ANHX: variants seen among roughly 807,000 people sequenced by gnomAD.
ANHX encodes the protein anomalous homeobox.
ANHX carries 20 observed loss-of-function variants against 38.9 expected under a neutral mutation model. The ratio of observed to expected loss-of-function variants is 0.51; its 90% confidence interval spans 0.36 to 0.75. The LOEUF is 0.75. Among genes scored for constraint, ANHX ranks in the 30% least tolerant of loss-of-function variants. ANHX has a pLI of 0.00. For synonymous variants in ANHX, 185 were observed against 203.1 expected (o/e 0.91, Z 0.76); for missense variants, 475 against 493.1 (o/e 0.96, Z 0.35).
intron 8 of ANHX, among the ~76,000 whole-genome samples, chr12:133,220,473 C>G (rs1181037036): frequency 6.6e-6 from 1 of 152,194 alleles, no homozygotes; most frequent in Admixed American, 6.5e-5. Context: ...TTTGAGCAAG[C>G]AGGCCATGTG....
chr12:133,233,688 C>T (rs985487583), intron 2 of ANHX, among the ~76,000 whole-genome samples: 5 of 152,178 alleles, frequency 3.3e-5, no homozygotes, highest in Admixed American at 2.0e-4. Flanking sequence ...GTTGAAGGTA[C>T]CAGCAGGTGA....
rs529851742 is a variant in ANHX, at chr12:133,226,230, T to C, written c.839+88A>G. 2.4e-5 allele frequency: 37 copies of C among 1,530,304 alleles called. No individual in the cohort carries two copies. The South Asian group carries it at 3.9e-4, about 16-fold the overall frequency. 94.8% of individuals were successfully genotyped at this position (1,530,304 alleles called of 1,614,324 possible). Reference sequence around the variant, plus strand: ...CCCAGTGTGGGGGTCCTGTCACCCTTAGGCCTACTTCATGCCCTAGTCTCC... The same window carrying C: ...CCCAGTGTGGGGGTCCTGTCACCCTCAGGCCTACTTCATGCCCTAGTCTCC... On this transcript the variant is annotated intron_variant, in intron 6 of 9. Coordinates refer to ENST00000545940, the MANE Select transcript of ANHX (RefSeq NM_001372060.1).
chr12:133,225,124 A>G (rs975262643), intron 7 of ANHX, among the ~76,000 whole-genome samples: 48 of 152,266 alleles, frequency 3.2e-4, no homozygotes, highest in Non-Finnish European at 5.7e-4. Flanking sequence ...TACAGCTTCA[A>G]CGATAACTTA....
At chr12:133,225,191 T>C (rs907322836) in intron 7 of ANHX, among the ~76,000 whole-genome samples, 1 of 151,338 alleles carries the variant, frequency 6.6e-6, no homozygotes, top group Non-Finnish European at 1.5e-5. Context: ...AAGCGGGGAG[T>C]CTAAGGAGCT....
chr12:133,219,330 C>G lies in ANHX; in HGVS notation c.1318G>C (p.Gly440Arg), dbSNP rs549420372. Residue 440 changes from glycine to arginine, a missense_variant, in exon 9 of 10, where the codon GGC becomes CGC. Gly to Arg is a moderately radical substitution (Grantham distance 125). Transcript: ENST00000545940. ...ELAPAPSAFP[G>R]PVSAMELSQA... Reference sequence around the variant, plus strand: ...CTCAGCTCCATGGCAGACACAGGGCCGGGGAAGGCAGATGGGGCTGGGGCC... The same window carrying G: ...CTCAGCTCCATGGCAGACACAGGGCGGGGGAAGGCAGATGGGGCTGGGGCC... The G allele has an allele frequency of 1.8e-5, 28 of 1,534,882 alleles. No individual in the cohort carries two copies. Among genetic ancestry groups the G allele is most frequent in the African/African-American group, 2.7e-5 (2 of 73,010 alleles).
chr12:133,228,545 C>T (rs1957224132), intron 3 of ANHX, among the ~76,000 whole-genome samples: 1 of 152,198 alleles, frequency 6.6e-6, no homozygotes, highest in Non-Finnish European at 1.5e-5. Context: ...ACCCCCAAGA[C>T]CTCCTCCCAA....
At chr12:133,224,782 G>A (rs560486084) in intron 7 of ANHX, among the ~76,000 whole-genome samples, 31 of 150,858 alleles carry the variant, frequency 2.1e-4, no homozygotes, top group South Asian at 4.2e-4. Flanking sequence ...TGGCTAACAG[G>A]GTGAAACCCC....
chr12:133,226,516 C>A, intron 5 of ANHX, 78 bp from the exon 6 acceptor site: 1 of 1,452,890 alleles, frequency 6.9e-7, no homozygotes, highest in African/African-American at 1.4e-5. Context: ...ATGAGCAGCC[C>A]TGCTGGCTGG....
intron 1 of ANHX, 104 bp from the exon 2 acceptor site, chr12:133,234,482 G>T: frequency 7.6e-7 from 1 of 1,321,506 alleles, no homozygotes; most frequent in Non-Finnish European, 1.0e-6. Context: ...CGGCTCTTGT[G>T]CCGTGGACAC....
In ANHX at chr12:133,218,926, C is replaced by T; in HGVS notation, c.1411G>A (p.Ala471Thr). The change falls in exon 10 of 10, where the codon GCC becomes ACC. Residue 471 changes from alanine to threonine, a missense_variant. Coordinates refer to ENST00000545940, the MANE Select transcript of ANHX (RefSeq NM_001372060.1). ...SQASGDAFWG[A>T]RMLLEFSGSS... ...CCTGAAAACTCAAGGAGCATCCTGG[C>T]TCCCCAGAAGGCATCACCAGAGGCC... 2.0e-6 allele frequency: 3 copies of T among 1,533,750 alleles called. No individual in the cohort carries two copies. The highest frequency in any genetic ancestry group is 2.6e-6 in the Non-Finnish European group (3 of 1,145,182).
chr12:133,223,877 T>C (rs569187068), intron 7 of ANHX, among the ~76,000 whole-genome samples: 2 of 152,010 alleles, frequency 1.3e-5, no homozygotes, highest in East Asian at 3.9e-4. Flanking sequence ...AAAAAGAATC[T>C]AAGAGCTCCA....
intron 4 of ANHX, 43 bp downstream of exon 4, chr12:133,227,781 C>A: frequency 6.5e-7 from 1 of 1,532,778 alleles, no homozygotes; most frequent in Non-Finnish European, 8.7e-7. Context: ...CAGGGAGGCA[C>A]CAGGCAGGGA....
intron 3 of ANHX, 121 bp downstream of exon 3, chr12:133,231,396 G>A (rs185934458): frequency 1.4e-4 from 196 of 1,353,604 alleles, no homozygotes; most frequent in Admixed American, 3.0e-4. Context: ...CTGCTCCGGC[G>A]GACATTTCCT....
chr12:133,224,943 G>A lies in ANHX; in HGVS notation c.1132+593C>T, dbSNP rs550040610. Among the ~76,000 whole-genome samples, 261 of 148,252 alleles carry A rather than the reference G, an allele frequency of 1.8e-3. 1 individual carries two copies. Among genetic ancestry groups the A allele is most frequent in the Non-Finnish European group, 2.5e-3 (166 of 67,434 alleles). On this transcript the variant is annotated intron_variant, in intron 7 of 9. Coordinates refer to ENST00000545940, the MANE Select transcript of ANHX (RefSeq NM_001372060.1). ...GATCACGCCACTGCACTCCAGCCTG[G>A]GTGAGCAAGACTCCGTCTCAAAAAA...
chr12:133,222,274 T>C (rs917551838), intron 7 of ANHX, among the ~76,000 whole-genome samples: 1 of 152,186 alleles, frequency 6.6e-6, no homozygotes. Flanking sequence ...GGGAAAGCCA[T>C]GAGCACAATG....
At chr12:133,232,158 G>C (rs1376374567) in intron 2 of ANHX, among the ~76,000 whole-genome samples, 1 of 97,062 alleles carries the variant, frequency 1.0e-5, no homozygotes, top group East Asian at 4.9e-4. Context: ...CAGCAGTGCT[G>C]GTCCCTCAGG....
intron 3 of ANHX, among the ~76,000 whole-genome samples, chr12:133,229,614 C>T (rs894933475): frequency 2.6e-5 from 4 of 152,152 alleles, no homozygotes; most frequent in Non-Finnish European, 4.4e-5. Context: ...TCCCCAGCCA[C>T]GATCCCAGCC....
chr12:133,231,693 A>G (rs1348870763), intron 2 of ANHX, 49 bp from the exon 3 acceptor site: 2 of 1,532,940 alleles, frequency 1.3e-6, no homozygotes, highest in African/African-American at 2.7e-5. Flanking sequence ...ACCCTGGAGC[A>G]CTGTTGGGAC....
Position 133,221,446 on chromosome 12 carries a change from C to A in ANHX, c.1133-94G>T. On this transcript the variant is annotated intron_variant, in intron 7 of 9. Transcript: ENST00000545940. This position sits in a 1 kb window ranked among gnomAD's most constrained non-coding sequence, Gnocchi z 4.1. ...AGACCTCAAAGCACGGAGGCGGATG[C>A]AGCCTCCGGCCCAGCCAGCCCGCGC... 7.2e-7 allele frequency: 1 copy of A among 1,397,754 alleles called. No homozygotes were observed. Among genetic ancestry groups the A allele is most frequent in the Non-Finnish European group, 9.5e-7 (1 of 1,056,150 alleles). 86.6% of individuals were successfully genotyped at this position (1,397,754 alleles called of 1,614,324 possible). A position where few individuals can be genotyped will look rare whatever the true frequency, so the allele number is the denominator to read the frequency against.
Sources: gnomAD v4.1 joint callset for allele counts (sites outside exome capture counted in the v4.1 genomes callset) on GRCh38, gnomAD v4.1.1 for gene constraint, Gnocchi (gnomAD v3.1) non-coding constraint, MANE v1.5 for transcripts, NCBI Gene and HGNC (gene_info 2026-07-23, HGNC 2026-07-21) for gene names.